The following DENND2C variants were observed in gnomAD, a reference collection of about 807,000 sequenced individuals.
DENND2C encodes the protein DENN domain-containing protein 2C.
DENND2C carries 72 observed loss-of-function variants against 112.4 expected under a neutral mutation model. That is an observed-to-expected ratio of 0.64 (90% CI 0.53 to 0.78). The LOEUF is 0.78. Ranked by LOEUF, DENND2C falls within the 30% of genes least tolerant of loss-of-function variation. The probability of loss-of-function intolerance (pLI) is 0.00; values close to 1 mark genes in which losing one functional copy is unlikely to be tolerated. For missense variants in DENND2C, 992 were observed against 1,113.8 expected, an observed-to-expected ratio of 0.89 and a Z score of 1.56; for synonymous variants, 329 against 381.6, an observed-to-expected ratio of 0.86 and a Z score of 1.61.
chr1:114,628,618 G>C (rs1656409551), intron 3 of DENND2C, among the ~76,000 whole-genome samples: 1 of 152,184 alleles, frequency 6.6e-6, no homozygotes, highest in Non-Finnish European at 1.5e-5. Flanking sequence ...TGATTTCACA[G>C]TCCCAATTTT....
chr1:114,590,638 C>T (rs970614791), intron 18 of DENND2C, among the ~76,000 whole-genome samples: 1 of 151,716 alleles, frequency 6.6e-6, no homozygotes, highest in Non-Finnish European at 1.5e-5. Context: ...ATTAGCCGGG[C>T]GAGGTGGCAG....
intron 3 of DENND2C, among the ~76,000 whole-genome samples, chr1:114,626,954 T>C (rs1656360898): frequency 6.6e-6 from 1 of 152,116 alleles, no homozygotes; most frequent in Admixed American, 6.6e-5. Context: ...TAGCCAACTT[T>C]CTCCTCCTGT....
intron 1 of DENND2C, among the ~76,000 whole-genome samples, chr1:114,655,842 TTACATG>T (rs1222320133): frequency 6.8e-6 from 1 of 146,616 alleles, no homozygotes; most frequent in Non-Finnish European, 1.5e-5. Context: ...TCCACTAATC[TTACATG>T]TACAGCTCAA....
At chr1:114,655,046 T>C (rs970851391) in intron 1 of DENND2C, among the ~76,000 whole-genome samples, 5 of 152,222 alleles carry the variant, frequency 3.3e-5, no homozygotes, top group Admixed American at 1.3e-4. Flanking sequence ...CTGGGAAATA[T>C]AATCTTTAAT....
At chr1:114,621,703 A>G (rs568215584) in intron 7 of DENND2C, among the ~76,000 whole-genome samples, 192 bp downstream of exon 7, 1 of 152,228 alleles carries the variant, frequency 6.6e-6, no homozygotes, top group Admixed American at 6.5e-5. Flanking sequence ...ATCCACAACG[A>G]AACTCTGGCA....
In DENND2C at chr1:114,625,145, C is replaced by CCTA. The variant is rs763193804; in HGVS notation, c.806+31_806+33dup. The stretch of plus-strand genomic sequence containing the variant: ...GCTCAATAATCCTGTAAGGAAAATA[C>CCTA]CTACAAGTCTTTATCTGTAGGATAA... On this transcript the variant is annotated intron_variant, in intron 4 of 20. Transcript: ENST00000393274. The CCTA allele has an allele frequency of 3.1e-5, 47 of 1,539,960 alleles. No individual in the cohort carries two copies. In the Middle Eastern group the frequency reaches 8.9e-4, roughly 29 times the overall value.
intron 9 of DENND2C, among the ~76,000 whole-genome samples, 190 bp downstream of exon 9, chr1:114,610,883 G>A (rs937184134): frequency 1.3e-5 from 2 of 152,128 alleles, no homozygotes; most frequent in South Asian, 4.1e-4. Context: ...TTTAAATGCT[G>A]TCAAACATCT....
At chr1:114,616,942 T>C (rs1169084758) in intron 8 of DENND2C, among the ~76,000 whole-genome samples, 1 of 152,102 alleles carries the variant, frequency 6.6e-6, no homozygotes, top group African/African-American at 2.4e-5. Flanking sequence ...CTCAGAATCA[T>C]GGTGGGAGGC....
At chr1:114,667,092 C>T (rs1557964685) in intron 1 of DENND2C, among the ~76,000 whole-genome samples, 1 of 152,180 alleles carries the variant, frequency 6.6e-6, no homozygotes, top group Non-Finnish European at 1.5e-5. Context: ...TACTTGCACA[C>T]TTATCCCTGG....
intron 3 of DENND2C, among the ~76,000 whole-genome samples, chr1:114,643,629 A>C (rs956731878): frequency 1.3e-5 from 2 of 152,206 alleles, no homozygotes; most frequent in African/African-American, 4.8e-5. Context: ...AATGGTTCCC[A>C]AAATAACAAA....
intron 1 of DENND2C, among the ~76,000 whole-genome samples, chr1:114,666,204 C>A (rs1457622072): frequency 2.0e-5 from 3 of 152,176 alleles, no homozygotes; most frequent in African/African-American, 7.2e-5. Context: ...TTACTATTTT[C>A]CTACTCCAGG....
chr1:114,613,329 T>G (rs1392554357), intron 8 of DENND2C, among the ~76,000 whole-genome samples: 1 of 152,170 alleles, frequency 6.6e-6, no homozygotes, highest in Non-Finnish European at 1.5e-5. Context: ...ACATGAAATT[T>G]TCTAGGTGTG....
At chr1:114,630,413 T>C (rs908160954) in intron 3 of DENND2C, among the ~76,000 whole-genome samples, 2 of 152,026 alleles carry the variant, frequency 1.3e-5, no homozygotes, top group Admixed American at 6.6e-5. Flanking sequence ...CCCACATCAA[T>C]AACTATAAAA....
intron 2 of DENND2C, among the ~76,000 whole-genome samples, chr1:114,647,939 C>G (rs771538082): frequency 3.4e-4 from 51 of 152,116 alleles, no homozygotes; most frequent in Non-Finnish European, 4.9e-4. Context: ...TCCCGAGTAG[C>G]TGAGATTACA....
rs1379909189 is a variant in DENND2C, at chr1:114,625,842, A to G, written c.143T>C (p.Val48Ala). ...GATCTCTTGGTGACAGTTATATCTCACTCCAAAGTCCTTTGGACACCACTT... is the reference window on the plus strand; with the variant it reads ...GATCTCTTGGTGACAGTTATATCTCGCTCCAAAGTCCTTTGGACACCACTT... ...PEKWCPKDFG[V>A]RYNCHQEIRL... The change falls in exon 4 of 21, where the codon GTG becomes GCG. Residue 48 changes from valine (V) to alanine (A), a missense_variant. Physicochemically the swap from Val to Ala is moderately conservative, Grantham distance 64. Coordinates refer to ENST00000393274, the MANE Select transcript of DENND2C (RefSeq NM_001256404.2). 1 of 1,613,654 alleles carries G rather than the reference A, an allele frequency of 6.2e-7. No individual in the cohort carries two copies. The highest frequency in any genetic ancestry group is 8.5e-7 in the Non-Finnish European group (1 of 1,179,944).
chr1:114,622,216 T>C (rs1162073587), intron 6 of DENND2C, among the ~76,000 whole-genome samples, 151 bp from the exon 7 acceptor site: 1 of 152,126 alleles, frequency 6.6e-6, no homozygotes, highest in Non-Finnish European at 1.5e-5. Context: ...TGAGCTCAAG[T>C]GATCCCCCCA....
chr1:114,655,883 A>AATATATATATATATATATAT (rs10525704), intron 1 of DENND2C, among the ~76,000 whole-genome samples: 16 of 125,880 alleles, frequency 1.3e-4, no homozygotes, highest in African/African-American at 4.0e-4. Flanking sequence ...TATATGTATA[A>AATATATATATATATATATAT]ATATATATAT....
chr1:114,597,585 C>T (rs1177773939), intron 16 of DENND2C, among the ~76,000 whole-genome samples: 2 of 152,040 alleles, frequency 1.3e-5, no homozygotes, highest in Non-Finnish European at 2.9e-5. Context: ...AGTTTGAGAC[C>T]AGCCTGGCCA....
chr1:114,616,863 A>C (rs1417826300), intron 8 of DENND2C, among the ~76,000 whole-genome samples: 5 of 152,160 alleles, frequency 3.3e-5, no homozygotes, highest in Admixed American at 1.3e-4. Flanking sequence ...CTCAAAAAAA[A>C]AGACATACGT....
Sources: gnomAD v4.1 joint callset for allele counts (sites outside exome capture counted in the v4.1 genomes callset) on GRCh38, gnomAD v4.1.1 for gene constraint, MANE v1.5 for transcripts, NCBI Gene and HGNC (gene_info 2026-07-23, HGNC 2026-07-21) for gene names.